Variants in PCDHGB4 observed in about 807,000 individuals in gnomAD.
The protein encoded by PCDHGB4 is protocadherin gamma subfamily B, 4.
A neutral mutation model predicts 60.5 loss-of-function variants in PCDHGB4; 38 were observed. The ratio of observed to expected loss-of-function variants is 0.63; its 90% CI spans 0.48 to 0.82. PCDHGB4 has a LOEUF of 0.82. Among genes scored for constraint, PCDHGB4 ranks in the 40% least tolerant of loss-of-function variants. The pLI is 0.00. For missense variants in PCDHGB4, 1,109 were observed against 1,209.6 expected, an observed-to-expected ratio of 0.92 and a Z score of 1.23; for synonymous variants, 456 against 509.7, an observed-to-expected ratio of 0.89 and a Z score of 1.42.
In PCDHGB4 at chr5:141,389,547, G is replaced by A; in HGVS notation, c.1663G>A (p.Asp555Asn). Residue 555 changes from aspartate (D) to asparagine (N), a missense_variant, in exon 1 of 4, where the codon GAC becomes AAC. By Grantham distance (23) the Asp-to-Asn change is conservative. This residue lies in a region of PCDHGB4 where 1,068 missense variants were observed against 1,089.9 expected (regional missense o/e 0.98). Transcript: ENST00000519479. Reference sequence around the variant, plus strand: ...GCGCGTGTTAGTGGACGACCGCAACGACAATGCGCCACGGGTGCTGTACCC... The same window carrying A: ...GCGCGTGTTAGTGGACGACCGCAACAACAATGCGCCACGGGTGCTGTACCC... ...SLRVLVDDRNDNAPRVLYPAL... is the reference protein window; with the variant it reads ...SLRVLVDDRNNNAPRVLYPAL... 6.2e-7 allele frequency: 1 copy of A among 1,613,252 alleles called. No homozygotes were observed. Among genetic ancestry groups the A allele is most frequent in the East Asian group, 2.2e-5 (1 of 44,880 alleles).
chr5:141,427,931 G>T (rs1381637805), intron 1 of PCDHGB4: 3 of 1,583,646 alleles, frequency 1.9e-6, no homozygotes, highest in Non-Finnish European at 2.6e-6. Flanking sequence ...GGCGCATGTT[G>T]GTGGGCGACC....
intron 1 of PCDHGB4, chr5:141,411,714 G>C (rs889829564): frequency 6.6e-6 from 1 of 152,420 alleles, no homozygotes; most frequent in Middle Eastern, 3.1e-3. Context: ...AGACTCCATC[G>C]CTACAGAACA....
intron 1 of PCDHGB4, chr5:141,400,276 C>T: frequency 6.2e-7 from 1 of 1,614,048 alleles, no homozygotes; most frequent in Non-Finnish European, 8.5e-7. Flanking sequence ...CTCCTCCAGC[C>T]CTGCCGCCTG....
At chr5:141,418,802 T>G (rs775155011) in intron 1 of PCDHGB4, 1 of 1,613,862 alleles carries the variant, frequency 6.2e-7, no homozygotes, top group Non-Finnish European at 8.5e-7. Flanking sequence ...AGTAGAAAGA[T>G]ATACGATAAA....
chr5:141,504,578 TGCCCAGGATTCACAGCAA>T (rs2099839274), intron 2 of PCDHGB4, among the ~76,000 whole-genome samples: 1 of 148,500 alleles, frequency 6.7e-6, no homozygotes, highest in African/African-American at 2.5e-5. Flanking sequence ...GAACACCATC[TGCCCAGGATTCACAGCAA>T]GAGGGAACTT....
In PCDHGB4 at chr5:141,402,956, G is replaced by A. The variant is rs1276206622; in HGVS notation, c.2397+12675G>A. Reference sequence around the variant, plus strand: ...AAAATTCCAAAGCGAGGCAGCAATGGCAGCTCCAACCAAATGCCAGCTCCG... The same window carrying A: ...AAAATTCCAAAGCGAGGCAGCAATGACAGCTCCAACCAAATGCCAGCTCCG... On this transcript the variant is annotated intron_variant, in intron 1 of 3. Coordinates refer to ENST00000519479, the MANE Select transcript of PCDHGB4 (RefSeq NM_003736.4). 1.2e-6 allele frequency: 2 copies of A among 1,601,842 alleles called. No individual in the cohort carries two copies. The highest frequency in any genetic ancestry group is 2.7e-5 in the African/African-American group (2 of 74,454).
intron 1 of PCDHGB4, chr5:141,399,959 G>T (rs1257286209): frequency 6.2e-7 from 1 of 1,612,230 alleles, no homozygotes; most frequent in East Asian, 2.2e-5. Context: ...AGCGAGCCCG[G>T]GCTCTTCAGC....
intron 1 of PCDHGB4, chr5:141,478,198 A>G (rs1393603398): frequency 6.2e-7 from 1 of 1,613,864 alleles, no homozygotes; most frequent in East Asian, 2.2e-5. Flanking sequence ...CCTTTTATCT[A>G]CTTCTTTCTC....
chr5:141,390,781 G>C (rs527538379), intron 1 of PCDHGB4: 97 of 165,826 alleles, frequency 5.8e-4, no homozygotes, highest in Non-Finnish European at 1.1e-3. Flanking sequence ...CTTCCCTTTT[G>C]TTTCAAAAGC....
rs2154586601 is a variant in PCDHGB4, at chr5:141,491,555, A to G, written c.2398-3252A>G. The G allele has an allele frequency of 6.2e-7, 1 of 1,613,986 alleles. No homozygotes were observed. The highest frequency in any genetic ancestry group is 2.2e-5 in the East Asian group (1 of 44,862). ...CTGCGGCCCACAGACTCGCAGAGCC[A>G]CTGCTACAGGACGTGCTTTTCACCG... On this transcript the variant is annotated intron_variant, in intron 1 of 3. Transcript: ENST00000519479. This position sits in a 1 kb window ranked among gnomAD's most constrained non-coding sequence, Gnocchi z 6.9.
At chr5:141,468,758 C>G (rs929005462) in intron 1 of PCDHGB4, among the ~76,000 whole-genome samples, 1 of 151,802 alleles carries the variant, frequency 6.6e-6, no homozygotes, top group Admixed American at 6.6e-5. Context: ...CCCAGCTACT[C>G]GGGAGGCTGA....
chr5:141,492,316 G>C (rs1283387204), intron 1 of PCDHGB4, among the ~76,000 whole-genome samples: 1 of 152,190 alleles, frequency 6.6e-6, no homozygotes. Context: ...CGCACTCCTC[G>C]CACGTGGGCT....
chr5:141,405,459 A>G (rs553327050), intron 1 of PCDHGB4: 1 of 1,229,452 alleles, frequency 8.1e-7, no homozygotes, highest in African/African-American at 1.5e-5. Context: ...TTACTCTGTT[A>G]CCCAGGCTGG....
At chr5:141,509,845 C>G (rs1021433327) in intron 3 of PCDHGB4, among the ~76,000 whole-genome samples, 1 of 152,190 alleles carries the variant, frequency 6.6e-6, no homozygotes, top group African/African-American at 2.4e-5. Context: ...CCCATTCACT[C>G]AGAACAGGGA....
At chr5:141,426,814 T>C (rs2096962370) in intron 1 of PCDHGB4, 1 of 456,592 alleles carries the variant, frequency 2.2e-6, no homozygotes, top group Admixed American at 2.3e-5. Flanking sequence ...AATGAACATT[T>C]CTCTCTGATG....
rs1434265418 is a variant in PCDHGB4 at position 141,389,288 on chromosome 5, T to C, written c.1404T>C (p.Ser468=). 6.2e-7 allele frequency: 1 copy of C among 1,613,906 alleles called. No individual in the cohort carries two copies. The highest frequency in any genetic ancestry group is 1.7e-5 in the Admixed American group (1 of 60,014). Residue 468 remains serine (S), a synonymous_variant, in exon 1 of 4, where the codon TCT becomes TCC. Coordinates refer to ENST00000519479, the MANE Select transcript of PCDHGB4 (RefSeq NM_003736.4). ...CCGAGAACAACCCGCCTGGAGCCTC[T>C]ATTTCACAAGTCAGGGCTTCTGATC... is the stretch of plus-strand genomic sequence containing the variant. ...HVAENNPPGA[S]ISQVRASDPD...
chr5:141,409,928 G>C (rs2095338081), intron 1 of PCDHGB4: 1 of 1,613,354 alleles, frequency 6.2e-7, no homozygotes, highest in Non-Finnish European at 8.5e-7. Context: ...CGCGTTCTTC[G>C]ATATGGTACC....
chr5:141,408,728 C>A lies in PCDHGB4; in HGVS notation c.2397+18447C>A, dbSNP rs371316574. 3.7e-6 allele frequency: 6 copies of A among 1,610,174 alleles called. No individual in the cohort carries two copies. In the African/African-American group the frequency reaches 8.0e-5, roughly 22 times the overall value. ...TAAAGATTATAAGATAAACTCTAATCCTTATTTTTCATTAATGGTTAGAGT... is the reference window on the plus strand; with the variant it reads ...TAAAGATTATAAGATAAACTCTAATACTTATTTTTCATTAATGGTTAGAGT... On this transcript the variant is annotated intron_variant, in intron 1 of 3. Transcript: ENST00000519479.
intron 1 of PCDHGB4, chr5:141,408,432 T>C (rs370073451): frequency 3.1e-6 from 5 of 1,613,972 alleles, no homozygotes; most frequent in Non-Finnish European, 4.2e-6. Flanking sequence ...CACTTCAGCG[T>C]AGACGCGGAG....
Sources: gnomAD v4.1 joint callset for allele counts (sites outside exome capture counted in the v4.1 genomes callset) on GRCh38, gnomAD v4.1.1 for gene constraint, gnomAD v4.1.1 regional missense constraint, Gnocchi (gnomAD v3.1) non-coding constraint, MANE v1.5 for transcripts, NCBI Gene and HGNC (gene_info 2026-07-23, HGNC 2026-07-21) for gene names.